Variants in AGAP1 observed in about 807,000 individuals in gnomAD.
AGAP1 encodes the protein arf-GAP with GTPase, ANK repeat and PH domain-containing protein 1.
Under a neutral mutation model 105.3 loss-of-function variants are expected in AGAP1, and 29 were observed. That is an observed-to-expected ratio of 0.28 (90% CI 0.21 to 0.38). The LOEUF (loss-of-function observed/expected upper bound fraction) is 0.38, where lower values mean the gene tolerates loss of function less well. AGAP1 is among the 10% of genes least tolerant of loss of function. The pLI is 1.00. For synonymous variants in AGAP1, 509 were observed against 485.9 expected, an observed-to-expected ratio of 1.05 and a Z score of -0.63; for missense variants, 998 against 1,165.1, an observed-to-expected ratio of 0.86 and a Z score of 2.09.
chr2:235,745,350 G>C (rs1481381159), intron 5 of AGAP1, among the ~76,000 whole-genome samples: 1 of 152,154 alleles, frequency 6.6e-6, no homozygotes. Context: ...AGGCCCCTCA[G>C]ACAGAGAATC....
At position 236,101,260 on chromosome 2, in the gene AGAP1, C is replaced by A. The variant is rs1446330794; in HGVS notation, c.2115-18932C>A. On this transcript the variant is annotated intron_variant, in intron 16 of 17. Coordinates refer to ENST00000304032, the MANE Select transcript of AGAP1 (RefSeq NM_001037131.3). The surrounding 1 kb of genome is among the most constrained non-coding windows in gnomAD (Gnocchi z 4.9). ...CACAAGCAGATTAAAAGGTATACCACATTAAGAAGACTCCTTATTGTTCCA... is the reference window on the plus strand; with the variant it reads ...CACAAGCAGATTAAAAGGTATACCAAATTAAGAAGACTCCTTATTGTTCCA... Among the ~76,000 whole-genome samples the A allele has an allele frequency of 6.6e-6, 1 of 152,104 alleles. No homozygotes were observed. Among genetic ancestry groups the A allele is most frequent in the Non-Finnish European group, 1.5e-5 (1 of 68,012 alleles).
At position 235,733,530 on chromosome 2, in the gene AGAP1, C is replaced by T. The variant is rs1426849313; in HGVS notation, c.311-7433C>T. ...TTCCTTCCTTCTGGCTTTAATGTTT[C>T]CCCCTTGTTTTATTAGGAAAGGAGG... On this transcript the variant is annotated intron_variant, in intron 3 of 17. Coordinates refer to ENST00000304032, the MANE Select transcript of AGAP1 (RefSeq NM_001037131.3). This position sits in a 1 kb window ranked among gnomAD's most constrained non-coding sequence, Gnocchi z 5.0. Among the ~76,000 whole-genome samples the T allele has an allele frequency of 6.6e-6, 1 of 152,158 alleles. No individual in the cohort carries two copies. Among genetic ancestry groups the T allele is most frequent in the Non-Finnish European group, 1.5e-5 (1 of 68,024 alleles).
chr2:236,076,000 G>A (rs1034692942), intron 16 of AGAP1, among the ~76,000 whole-genome samples: 2 of 152,154 alleles, frequency 1.3e-5, no homozygotes, highest in Non-Finnish European at 2.9e-5. Flanking sequence ...AGGCGGTGCC[G>A]CCCCCTCACA....
intron 1 of AGAP1, among the ~76,000 whole-genome samples, chr2:235,703,857 A>C (rs1575173708): frequency 6.6e-6 from 1 of 152,042 alleles, no homozygotes; most frequent in Admixed American, 6.6e-5. Flanking sequence ...GGCTAATCTC[A>C]AACTCCTGAC....
chr2:235,992,945 A>G lies in AGAP1; in HGVS notation c.1645+24322A>G, dbSNP rs1289536340. Among the ~76,000 whole-genome samples the G allele has an allele frequency of 2.6e-5, 4 of 152,198 alleles. No individual in the cohort carries two copies. Among genetic ancestry groups the G allele is most frequent in the African/African-American group, 9.7e-5 (4 of 41,446 alleles). On this transcript the variant is annotated intron_variant, in intron 13 of 17. Transcript: ENST00000304032. This position sits in a 1 kb window ranked among gnomAD's most constrained non-coding sequence, Gnocchi z 4.8. The stretch of plus-strand genomic sequence containing the variant: ...TACCTGGGAGAACCTGGCTGGCCAC[A>G]TAGTGGAACTGGAAATGCCTCCATG...
At chr2:236,006,149 G>T (rs1200316665) in intron 13 of AGAP1, among the ~76,000 whole-genome samples, 1 of 139,624 alleles carries the variant, frequency 7.2e-6, no homozygotes, top group Non-Finnish European at 1.6e-5. Context: ...TACTGCTGTG[G>T]CCCAGATTAT....
Position 235,582,354 on chromosome 2 carries a change from G to A in AGAP1, c.163+87505G>A, listed in dbSNP as rs1944962065. Among the ~76,000 whole-genome samples the A allele has an allele frequency of 6.6e-6, 1 of 152,168 alleles. No homozygotes were observed. Among genetic ancestry groups the A allele is most frequent in the Admixed American group, 6.5e-5 (1 of 15,280 alleles). On this transcript the variant is annotated intron_variant, in intron 1 of 17. Transcript: ENST00000304032. This position sits in a 1 kb window ranked among gnomAD's most constrained non-coding sequence, Gnocchi z 4.7. ...AGGGTGTCACTAAAGCCCAAGACCA[G>A]GATTGCTTGTCCTTTGCAGTGTGCT...
chr2:235,586,326 G>T lies in AGAP1; in HGVS notation c.163+91477G>T, dbSNP rs919571971. ...CCCTCTGCACGCTCACTCCACGAAG[G>T]ATGCAGGTGGGCACACTGCTACAAC... On this transcript the variant is annotated intron_variant, in intron 1 of 17. Transcript: ENST00000304032. The surrounding 1 kb of genome is among the most constrained non-coding windows in gnomAD (Gnocchi z 4.2). Among the ~76,000 whole-genome samples the T allele has an allele frequency of 6.6e-6, 1 of 152,188 alleles. No homozygotes were observed. The highest frequency in any genetic ancestry group is 1.5e-5 in the Non-Finnish European group (1 of 68,042).
At chr2:235,850,040 A>G (rs1962007606) in intron 9 of AGAP1, among the ~76,000 whole-genome samples, 1 of 152,208 alleles carries the variant, frequency 6.6e-6, no homozygotes, top group Admixed American at 6.5e-5. Context: ...CCTCCTGAGC[A>G]GGTCTGGCCT....
At position 235,889,301 on chromosome 2, in the gene AGAP1, C is replaced by T. The variant is rs976751054; in HGVS notation, c.1155+5852C>T. ...ATGAAACTGGGGAAACCTGACATTG[C>T]AGGACACCGTGGGGCTGGTGTGAGG... On this transcript the variant is annotated intron_variant, in intron 10 of 17. Coordinates refer to ENST00000304032, the MANE Select transcript of AGAP1 (RefSeq NM_001037131.3). This position sits in a 1 kb window ranked among gnomAD's most constrained non-coding sequence, Gnocchi z 4.6. Among the ~76,000 whole-genome samples, 2 of 152,138 alleles carry T rather than the reference C, an allele frequency of 1.3e-5. No homozygotes were observed. The highest frequency in any genetic ancestry group is 4.8e-5 in the African/African-American group (2 of 41,428).
intron 1 of AGAP1, among the ~76,000 whole-genome samples, chr2:235,590,431 G>C (rs898018641): frequency 6.6e-6 from 1 of 152,032 alleles, no homozygotes; most frequent in Non-Finnish European, 1.5e-5. Context: ...AAGGAGGCCT[G>C]AGCTCCGCGA....
intron 1 of AGAP1, among the ~76,000 whole-genome samples, chr2:235,542,296 G>A (rs894234512): frequency 3.3e-5 from 5 of 152,196 alleles, no homozygotes; most frequent in Admixed American, 1.3e-4. Flanking sequence ...GAGCATAAGG[G>A]CCAGGGCCAG....
At chr2:235,709,600 A>C (rs1284646627) in intron 2 of AGAP1, among the ~76,000 whole-genome samples, 1 of 151,606 alleles carries the variant, frequency 6.6e-6, no homozygotes, top group African/African-American at 2.4e-5. Context: ...CCACACACAC[A>C]CACCCCCATG....
intron 9 of AGAP1, among the ~76,000 whole-genome samples, chr2:235,812,918 A>G (rs1282131876): frequency 6.6e-6 from 1 of 152,210 alleles, no homozygotes; most frequent in Non-Finnish European, 1.5e-5. Flanking sequence ...TAATTTACAG[A>G]GTGAACTGCC....
In AGAP1 at chr2:235,527,642, C is replaced by T. The variant is rs186259371; in HGVS notation, c.163+32793C>T. Among the ~76,000 whole-genome samples the T allele has an allele frequency of 2.0e-3, 300 of 152,278 alleles. 1 individual carries two copies. The highest frequency in any genetic ancestry group is 0.01 in the Middle Eastern group (3 of 294). ...TGCCCAAACCATCTGCCTATCTTAGCGTCCCGAAGTGCTGGAATTACCGTA... is the reference window on the plus strand; with the variant it reads ...TGCCCAAACCATCTGCCTATCTTAGTGTCCCGAAGTGCTGGAATTACCGTA... On this transcript the variant is annotated intron_variant, in intron 1 of 17. Transcript: ENST00000304032.
Position 235,689,515 on chromosome 2 carries a change from G to GA in AGAP1, c.164-19661dup, listed in dbSNP as rs1358478434. Among the ~76,000 whole-genome samples the GA allele has an allele frequency of 6.6e-6, 1 of 152,252 alleles. No individual in the cohort carries two copies. Among genetic ancestry groups the GA allele is most frequent in the African/African-American group, 2.4e-5 (1 of 41,472 alleles). On this transcript the variant is annotated intron_variant, in intron 1 of 17. Coordinates refer to ENST00000304032, the MANE Select transcript of AGAP1 (RefSeq NM_001037131.3). This position sits in a 1 kb window ranked among gnomAD's most constrained non-coding sequence, Gnocchi z 4.2. ...AATAATAGTGCGTTTGTAAGCCAGA[G>GA]AAAGATGGTACTGTGTGGTGGGGAA... is the stretch of plus-strand genomic sequence containing the variant.
At chr2:235,955,800 C>G (rs979102011) in intron 12 of AGAP1, among the ~76,000 whole-genome samples, 1 of 152,066 alleles carries the variant, frequency 6.6e-6, no homozygotes, top group Admixed American at 6.5e-5. Context: ...TTCGAAGCAG[C>G]GGCCTGAGTT....
chr2:235,498,821 G>A (rs2148996558), intron 1 of AGAP1, among the ~76,000 whole-genome samples: 1 of 152,316 alleles, frequency 6.6e-6, no homozygotes, highest in Non-Finnish European at 1.5e-5. Flanking sequence ...GGTGGCCGAT[G>A]AGAGGAAACC....
intron 9 of AGAP1, among the ~76,000 whole-genome samples, chr2:235,850,113 C>T (rs73998958): frequency 5.3e-5 from 8 of 152,298 alleles, no homozygotes; most frequent in African/African-American, 1.7e-4. Flanking sequence ...GCCCACAGCA[C>T]CTCTTAACAG....
Sources: allele counts gnomAD v4.1 joint callset (sites outside exome capture counted in the v4.1 genomes callset), GRCh38; gene constraint gnomAD v4.1.1; non-coding constraint Gnocchi (gnomAD v3.1); transcripts MANE v1.5; gene names NCBI Gene and HGNC (gene_info 2026-07-23, HGNC 2026-07-21).